Variants in SATL1 observed in about 807,000 individuals in gnomAD.
The protein encoded by SATL1 is spermidine/spermine N1-acetyl transferase like 1.
In SATL1, 47 loss-of-function variants were observed where a neutral mutation model predicts 51.8. That is an observed-to-expected ratio of 0.91 (90% CI 0.72 to 1.16). The LOEUF (loss-of-function observed/expected upper bound fraction) is 1.16, where lower values mean the gene tolerates loss of function less well. SATL1 is among the 50% of genes most tolerant of loss of function. SATL1 has a pLI of 0.00. For missense variants in SATL1, 520 were observed against 526.4 expected, an observed-to-expected ratio of 0.99 and a Z score of 0.12; for synonymous variants, 176 against 182.4, an observed-to-expected ratio of 0.97 and a Z score of 0.28.
chrX:85,106,514 C>T (rs920086972), intron 3 of SATL1, among the ~76,000 whole-genome samples: 2 of 111,990 alleles, frequency 1.8e-5, no homozygotes, highest in African/African-American at 3.2e-5. Flanking sequence ...ATGAGGGCTG[C>T]GTATCTACAA....
chrX:85,243,299 T>G (rs1471123582), intron 1 of SATL1, among the ~76,000 whole-genome samples: 4 of 112,515 alleles, frequency 3.6e-5, no homozygotes, highest in Non-Finnish European at 7.5e-5. Flanking sequence ...CGCAATCTAG[T>G]CCCCACCTAC....
chrX:85,224,612 C>T (rs1392267843), intron 1 of SATL1, among the ~76,000 whole-genome samples: 1 of 109,678 alleles, frequency 9.1e-6, no homozygotes, highest in East Asian at 2.9e-4. Flanking sequence ...TTACAGACTC[C>T]ATTGCCACTA....
intron 2 of SATL1, among the ~76,000 whole-genome samples, chrX:85,215,076 C>T (rs1293902822): frequency 8.9e-6 from 1 of 111,951 alleles, no homozygotes; most frequent in Non-Finnish European, 1.9e-5. Flanking sequence ...GGGACTCCAA[C>T]CCCTATTGCA....
intron 2 of SATL1, among the ~76,000 whole-genome samples, chrX:85,147,666 A>C (rs912380757): frequency 2.7e-5 from 3 of 111,707 alleles, no homozygotes; most frequent in African/African-American, 9.8e-5. Context: ...GCGATTCACG[A>C]AAATCTGCTG....
intron 1 of SATL1, among the ~76,000 whole-genome samples, chrX:85,235,889 A>G (rs1928472119): frequency 9.0e-6 from 1 of 111,429 alleles, no homozygotes; most frequent in Admixed American, 9.5e-5. Flanking sequence ...GATTGATGAA[A>G]TAAAAAGTTG....
intron 2 of SATL1, among the ~76,000 whole-genome samples, chrX:85,187,918 T>C (rs1043058946): frequency 4.5e-5 from 5 of 111,130 alleles, no homozygotes; most frequent in Non-Finnish European, 9.4e-5. Flanking sequence ...TTCTCTTTAA[T>C]GTTTTTTTTT....
rs746496604 is a variant in SATL1 at position 85,092,305 on chromosome X, T to G, written c.*86A>C. 1.0e-6 allele frequency: 1 copy of G among 990,972 alleles called. No homozygotes were observed. The highest frequency in any genetic ancestry group is 1.3e-6 in the Non-Finnish European group (1 of 745,074). The allele number at this position is 990,972 out of a possible 1,213,427, so 81.7% of individuals were successfully genotyped here. ...AGAATGTGATGATCACTTGCTGTAT[T>G]GTACAACAAAGTCAAACTGCTGTTA... is the stretch of plus-strand genomic sequence containing the variant. On this transcript the variant is annotated 3_prime_UTR_variant, in exon 8 of 8. Coordinates refer to ENST00000644105, the MANE Select transcript of SATL1 (RefSeq NM_001367857.2).
intron 2 of SATL1, chrX:85,212,823 T>G (rs1329614528): frequency 9.0e-6 from 1 of 110,935 alleles, no homozygotes; most frequent in Non-Finnish European, 1.9e-5. Flanking sequence ...ATTCTTTGTA[T>G]GTATTATGCA....
At chrX:85,140,297 C>A (rs1167517801) in intron 2 of SATL1, among the ~76,000 whole-genome samples, 2 of 111,257 alleles carry the variant, frequency 1.8e-5, no homozygotes, top group Non-Finnish European at 3.8e-5. Flanking sequence ...TAATAGTAAC[C>A]ACACTTACTG....
chrX:85,147,210 G>C (rs1926275452), intron 2 of SATL1, among the ~76,000 whole-genome samples: 1 of 114,579 alleles, frequency 8.7e-6, no homozygotes, highest in African/African-American at 3.2e-5. Flanking sequence ...ACGGAGTCTT[G>C]CTGATTGCTA....
At chrX:85,139,671 G>A (rs190298353) in intron 2 of SATL1, among the ~76,000 whole-genome samples, 4 of 111,485 alleles carry the variant, frequency 3.6e-5, no homozygotes, top group African/African-American at 6.5e-5. Flanking sequence ...AGAAATCTTC[G>A]TAAATCTCAG....
intron 2 of SATL1, among the ~76,000 whole-genome samples, chrX:85,205,718 T>A (rs1423667342): frequency 8.9e-6 from 1 of 111,775 alleles, no homozygotes; most frequent in African/African-American, 3.3e-5. Context: ...AGTAAGATAT[T>A]TGGTTTTGTT....
chrX:85,239,452 T>C (rs1421264622), intron 1 of SATL1, among the ~76,000 whole-genome samples: 1 of 111,668 alleles, frequency 9.0e-6, no homozygotes, highest in Non-Finnish European at 1.9e-5. Flanking sequence ...CTCAAAGAGA[T>C]CTATAGATTA....
chrX:85,132,743 A>G (rs185992309), intron 2 of SATL1, among the ~76,000 whole-genome samples: 150 of 111,800 alleles, frequency 1.3e-3, no homozygotes, highest in African/African-American at 4.5e-3. Flanking sequence ...TCTCGTTTTT[A>G]GAGTTTTCAG....
intron 2 of SATL1, among the ~76,000 whole-genome samples, chrX:85,178,876 C>A (rs921648290): frequency 9.0e-6 from 1 of 111,581 alleles, no homozygotes; most frequent in African/African-American, 3.3e-5. Flanking sequence ...TAACAAAATG[C>A]AACACTTCTT....
chrX:85,148,634 A>G (rs1010139573), intron 2 of SATL1, among the ~76,000 whole-genome samples: 13 of 112,103 alleles, frequency 1.2e-4, no homozygotes, highest in African/African-American at 4.2e-4. Flanking sequence ...AAACTCTACA[A>G]GCCAGAAGAG....
chrX:85,205,353 A>G (rs928050493), intron 2 of SATL1, among the ~76,000 whole-genome samples: 2 of 112,172 alleles, frequency 1.8e-5, no homozygotes, highest in Non-Finnish European at 3.8e-5. Flanking sequence ...TCCTCATAGT[A>G]TTTACATTCA....
At position 85,200,210 on chromosome X, in the gene SATL1, TC is replaced by T. The variant is rs1326988133; in HGVS notation, c.-313+23994del. ...TCCTCTCACTTGTTCCTCTCATCAT[TC>T]TTTAGAGACAAAGGCTATTTACTTG... On this transcript the variant is annotated intron_variant, in intron 2 of 7. Coordinates refer to ENST00000644105, the MANE Select transcript of SATL1 (RefSeq NM_001367857.2). Among the ~76,000 whole-genome samples the T allele has an allele frequency of 4.5e-5, 5 of 111,756 alleles. No individual in the cohort carries two copies. The Admixed American group carries it at 4.8e-4, about 11-fold the overall frequency.
chrX:85,152,312 AAAC>A (rs1047184627), intron 2 of SATL1, among the ~76,000 whole-genome samples: 1 of 111,103 alleles, frequency 9.0e-6, no homozygotes, highest in African/African-American at 3.3e-5. Flanking sequence ...AAAAGTCAGG[AAAC>A]AACAGGTGCT....
Sources: allele counts gnomAD v4.1 joint callset (sites outside exome capture counted in the v4.1 genomes callset), GRCh38; gene constraint gnomAD v4.1.1; transcripts MANE v1.5; gene names NCBI Gene and HGNC (gene_info 2026-07-23, HGNC 2026-07-21).